Variants in TNFSF4 observed in about 807,000 individuals in gnomAD.
TNFSF4 encodes the protein TNF superfamily member 4.
In TNFSF4, 4 loss-of-function variants were observed where a neutral mutation model predicts 7.3. That is an observed-to-expected ratio of 0.55 (90% confidence interval 0.27 to 1.25). TNFSF4 has a LOEUF of 1.25. Among genes scored for constraint, TNFSF4 ranks in the 50% most tolerant of loss-of-function variants. The pLI is 0.12. For missense variants in TNFSF4, 181 were observed against 208.8 expected (o/e 0.87, Z 0.82); for synonymous variants, 76 against 83.7 (o/e 0.91, Z 0.50).
chr1:173,280,539 G>C, the TNFSF4 span, among the ~76,000 whole-genome samples: 1 of 152,094 alleles, frequency 6.6e-6, no homozygotes, highest in Non-Finnish European at 1.5e-5. Flanking sequence ...TCAAATCATT[G>C]TTGTGAGTCC....
At chr1:173,259,930 C>T in the TNFSF4 span, among the ~76,000 whole-genome samples, 3 of 152,264 alleles carry the variant, frequency 2.0e-5, no homozygotes, top group South Asian at 2.1e-4. Flanking sequence ...GGATATCATG[C>T]GTAAGAACTT....
At chr1:173,297,900 C>T in the TNFSF4 span, among the ~76,000 whole-genome samples, 1 of 151,896 alleles carries the variant, frequency 6.6e-6, no homozygotes, top group Non-Finnish European at 1.5e-5. Flanking sequence ...GAGTTGACCA[C>T]ATGACATTTA....
chr1:173,446,700 C>T, the TNFSF4 span, among the ~76,000 whole-genome samples: 1 of 152,294 alleles, frequency 6.6e-6, no homozygotes, highest in South Asian at 2.1e-4. Flanking sequence ...GTCTTCTGGC[C>T]TTCATCTTTC....
chr1:173,222,459 G>T, the TNFSF4 span, among the ~76,000 whole-genome samples: 1 of 152,204 alleles, frequency 6.6e-6, no homozygotes, highest in Non-Finnish European at 1.5e-5. Context: ...GAAGGCCAAA[G>T]GTTGGGAGTA....
chr1:173,381,979 C>T, the TNFSF4 span, among the ~76,000 whole-genome samples: 15 of 152,186 alleles, frequency 9.9e-5, 1 homozygote, highest in South Asian at 1.7e-3. Flanking sequence ...ATCAGCAGGA[C>T]GTGGGCAGGG....
At chr1:173,248,697 A>G in the TNFSF4 span, among the ~76,000 whole-genome samples, 5 of 152,212 alleles carry the variant, frequency 3.3e-5, no homozygotes, top group Non-Finnish European at 5.9e-5. Context: ...AGCCAGACAC[A>G]TGAAATATCT....
At chr1:173,262,922 A>G in the TNFSF4 span, among the ~76,000 whole-genome samples, 2 of 152,186 alleles carry the variant, frequency 1.3e-5, no homozygotes, top group African/African-American at 4.8e-5. Context: ...TTAAGCTGAT[A>G]AACAACTTCG....
At chr1:173,426,442 T>C in the TNFSF4 span, among the ~76,000 whole-genome samples, 1 of 152,214 alleles carries the variant, frequency 6.6e-6, no homozygotes, top group Non-Finnish European at 1.5e-5. Context: ...TGTTGTTTTC[T>C]GAGCTTTAAC....
the TNFSF4 span, among the ~76,000 whole-genome samples, chr1:173,385,263 A>G: frequency 6.6e-6 from 1 of 152,228 alleles, no homozygotes; most frequent in Non-Finnish European, 1.5e-5. Flanking sequence ...CTTTTCCAAC[A>G]ATCTCCAAAC....
chr1:173,271,755 G>A, the TNFSF4 span, among the ~76,000 whole-genome samples: 6 of 152,150 alleles, frequency 3.9e-5, no homozygotes, highest in African/African-American at 1.2e-4. Context: ...TGGTGGGAGT[G>A]TAAACTAGTT....
chr1:173,243,904 C>A, the TNFSF4 span, among the ~76,000 whole-genome samples: 2 of 152,164 alleles, frequency 1.3e-5, no homozygotes, highest in Non-Finnish European at 2.9e-5. Flanking sequence ...TTAATCATTG[C>A]TCTGTCACCT....
At chr1:173,388,978 TAC>T in the TNFSF4 span, among the ~76,000 whole-genome samples, 1 of 152,220 alleles carries the variant, frequency 6.6e-6, no homozygotes, top group East Asian at 1.9e-4. Context: ...CCCCTAGGCA[TAC>T]AGTTTCTCTC....
Position 173,186,643 on chromosome 1 carries a change from G to A in TNFSF4, c.425C>T (p.Ser142Phe). The A allele has an allele frequency of 6.2e-7, 1 of 1,614,176 alleles. No homozygotes were observed. Among genetic ancestry groups the A allele is most frequent in the Non-Finnish European group, 8.5e-7 (1 of 1,180,000 alleles). ...VRSVNSLMVASLTYKDKVYLN... is the reference protein window; with the variant it reads ...VRSVNSLMVAFLTYKDKVYLN... ...GTAGACTTTGTCTTTGTAAGTCAGA[G>A]AGGCCACCATCAAGGAGTTGACAGA... The change falls in exon 3 of 3, where the codon TCT becomes TTT. Residue 142 changes from serine to phenylalanine, a missense_variant. Coordinates refer to ENST00000281834, the MANE Select transcript of TNFSF4 (RefSeq NM_003326.5).
At chr1:173,237,245 G>A in the TNFSF4 span, among the ~76,000 whole-genome samples, 14 of 152,184 alleles carry the variant, frequency 9.2e-5, no homozygotes, top group East Asian at 3.9e-4. Context: ...TATTAGCAGC[G>A]TGAGAACAGA....
At chr1:173,302,887 C>T in the TNFSF4 span, among the ~76,000 whole-genome samples, 14 of 151,852 alleles carry the variant, frequency 9.2e-5, no homozygotes, top group African/African-American at 3.1e-4. Context: ...CTTTGAAAAA[C>T]AGTTTTAAGA....
chr1:173,407,035 G>C, the TNFSF4 span, among the ~76,000 whole-genome samples: 17 of 152,156 alleles, frequency 1.1e-4, no homozygotes, highest in Non-Finnish European at 8.8e-5. Flanking sequence ...AGGATGAGAA[G>C]GGTGACTGCC....
At chr1:173,445,522 A>G in the TNFSF4 span, among the ~76,000 whole-genome samples, 1 of 152,188 alleles carries the variant, frequency 6.6e-6, no homozygotes, top group Non-Finnish European at 1.5e-5. Context: ...ATGGTCGGCT[A>G]AAATCCCAAT....
chr1:173,192,171 C>T (rs1474403950), intron 1 of TNFSF4, among the ~76,000 whole-genome samples: 2 of 152,134 alleles, frequency 1.3e-5, no homozygotes, highest in Admixed American at 6.5e-5. Flanking sequence ...CTGTCTCTGC[C>T]CATTAAAATC....
chr1:173,175,670 G>C, the TNFSF4 span, among the ~76,000 whole-genome samples: 1 of 152,184 alleles, frequency 6.6e-6, no homozygotes, highest in Non-Finnish European at 1.5e-5. Flanking sequence ...TGAAGAGCAT[G>C]ACTTACTGTA....
Sources: gnomAD v4.1 joint callset for allele counts (sites outside exome capture counted in the v4.1 genomes callset) on GRCh38, gnomAD v4.1.1 for gene constraint, MANE v1.5 for transcripts, NCBI Gene and HGNC (gene_info 2026-07-23, HGNC 2026-07-21) for gene names.